Variants in CDH13 observed in about 807,000 individuals in gnomAD.
CDH13 encodes the protein cadherin-13.
CDH13 carries 24 observed loss-of-function variants against 63.8 expected under a neutral mutation model. The ratio of observed to expected loss-of-function variants is 0.38; its 90% confidence interval spans 0.27 to 0.53. The LOEUF (loss-of-function observed/expected upper bound fraction) is 0.53. Among genes scored for constraint, CDH13 ranks in the 20% least tolerant of loss-of-function variants. CDH13 has a pLI of 0.85. For synonymous variants in CDH13, 503 were observed against 355.3 expected (o/e 1.42, Z -4.67); for missense variants, 1,049 against 903.1 (o/e 1.16, Z -2.07).
At chr16:82,690,887 A>G (rs1242022906) in intron 1 of CDH13, among the ~76,000 whole-genome samples, 1 of 152,222 alleles carries the variant, frequency 6.6e-6, no homozygotes, top group Non-Finnish European at 1.5e-5. Context: ...CCAGAAGCAG[A>G]GCCAGGGATG....
chr16:82,785,024 C>T (rs939742918), intron 1 of CDH13, among the ~76,000 whole-genome samples: 10 of 152,068 alleles, frequency 6.6e-5, no homozygotes, highest in African/African-American at 2.2e-4. Context: ...AGTGGGGGCC[C>T]GCTCATGGGT....
intron 1 of CDH13, among the ~76,000 whole-genome samples, chr16:82,769,053 C>T (rs1161100295): frequency 6.6e-6 from 1 of 152,118 alleles, no homozygotes; most frequent in African/African-American, 2.4e-5. Context: ...TAGCAGGATT[C>T]TATTTTGGTT....
chr16:82,720,837 G>C (rs749738734), intron 1 of CDH13, among the ~76,000 whole-genome samples: 2 of 152,198 alleles, frequency 1.3e-5, no homozygotes, highest in African/African-American at 2.4e-5. Flanking sequence ...CTGAGCAAAA[G>C]GCCCTCGCCT....
chr16:83,645,584 C>T (rs909842137), intron 8 of CDH13, among the ~76,000 whole-genome samples: 3 of 151,812 alleles, frequency 2.0e-5, no homozygotes, highest in African/African-American at 4.8e-5. Context: ...GGTACTCCAT[C>T]AGAACACCCC....
At chr16:83,012,663 T>C (rs1258251232) in intron 2 of CDH13, among the ~76,000 whole-genome samples, 1 of 152,178 alleles carries the variant, frequency 6.6e-6, no homozygotes, top group African/African-American at 2.4e-5. Flanking sequence ...CCGAACTTGA[T>C]CTAAGCATGA....
At chr16:82,811,083 C>A (rs1452808468) in intron 1 of CDH13, among the ~76,000 whole-genome samples, 1 of 152,124 alleles carries the variant, frequency 6.6e-6, no homozygotes, top group Non-Finnish European at 1.5e-5. Flanking sequence ...CATATTTATA[C>A]TATATCATTG....
chr16:83,478,929 A>C (rs1175851886), intron 6 of CDH13, among the ~76,000 whole-genome samples: 1 of 152,196 alleles, frequency 6.6e-6, no homozygotes, highest in Non-Finnish European at 1.5e-5. Flanking sequence ...AAGCCAGTCC[A>C]AATGTAAGCC....
chr16:82,716,672 A>AG lies in CDH13; in HGVS notation c.45+89541dup, dbSNP rs371666039. On this transcript the variant is annotated intron_variant, in intron 1 of 13. Transcript: ENST00000567109. The stretch of plus-strand genomic sequence containing the variant: ...CATTTGGCAGGGAGAGTGGGTATTA[A>AG]GGGGGGTGACTAGTTGTTTTAAAAT... Among the ~76,000 whole-genome samples, 444 of 150,048 alleles carry AG rather than the reference A, an allele frequency of 3.0e-3. 5 individuals are homozygous for AG. The highest frequency in any genetic ancestry group is 0.011 in the African/African-American group (427 of 40,652).
At chr16:83,482,390 C>G (rs1442452274) in intron 6 of CDH13, among the ~76,000 whole-genome samples, 1 of 152,210 alleles carries the variant, frequency 6.6e-6, no homozygotes, top group Non-Finnish European at 1.5e-5. Flanking sequence ...TTGGTGAGTG[C>G]TGCAGAGAGA....
chr16:83,407,440 G>A (rs747637956), intron 6 of CDH13, among the ~76,000 whole-genome samples: 2 of 152,146 alleles, frequency 1.3e-5, no homozygotes, highest in African/African-American at 4.8e-5. Context: ...AAATGTCCAG[G>A]CTGCTAAAGC....
intron 5 of CDH13, among the ~76,000 whole-genome samples, chr16:83,329,641 C>G (rs985508568): frequency 2.0e-5 from 3 of 152,102 alleles, no homozygotes; most frequent in African/African-American, 7.2e-5. Context: ...TCTCCGGAAC[C>G]TTTTCATCTT....
At chr16:83,533,826 G>T (rs1343906357) in intron 7 of CDH13, among the ~76,000 whole-genome samples, 5 of 151,862 alleles carry the variant, frequency 3.3e-5, no homozygotes, top group East Asian at 1.9e-4. Flanking sequence ...TCGCCATGTT[G>T]CCCAGGCTAG....
chr16:83,111,524 T>C (rs998534413), intron 3 of CDH13, among the ~76,000 whole-genome samples: 1 of 152,198 alleles, frequency 6.6e-6, no homozygotes, highest in African/African-American at 2.4e-5. Flanking sequence ...ATACATCACA[T>C]GGGAGAGAGT....
At chr16:82,916,646 A>T (rs995075730) in intron 2 of CDH13, among the ~76,000 whole-genome samples, 2 of 152,082 alleles carry the variant, frequency 1.3e-5, no homozygotes, top group African/African-American at 4.8e-5. Context: ...ATACATTCTC[A>T]TAAAGCCCAG....
intron 3 of CDH13, among the ~76,000 whole-genome samples, chr16:83,067,423 C>T (rs925070649): frequency 6.6e-6 from 1 of 152,148 alleles, no homozygotes; most frequent in African/African-American, 2.4e-5. Context: ...TTGGTTGTAT[C>T]AAGGACTCAA....
chr16:82,904,976 C>T (rs1284941594), intron 2 of CDH13, among the ~76,000 whole-genome samples: 1 of 152,102 alleles, frequency 6.6e-6, no homozygotes, highest in African/African-American at 2.4e-5. Flanking sequence ...TGCAGTTTCT[C>T]CCTAAATGAA....
At chr16:83,372,021 CG>C (rs2091376373) in intron 6 of CDH13, among the ~76,000 whole-genome samples, 1 of 152,210 alleles carries the variant, frequency 6.6e-6, no homozygotes, top group Non-Finnish European at 1.5e-5. Context: ...TTCAGTTCCA[CG>C]TAAGTGGGTG....
chr16:83,191,822 C>T (rs943650002), intron 4 of CDH13, among the ~76,000 whole-genome samples: 2 of 151,874 alleles, frequency 1.3e-5, no homozygotes, highest in African/African-American at 4.8e-5. Flanking sequence ...TTAGATGATG[C>T]CCACCCAGAT....
intron 1 of CDH13, among the ~76,000 whole-genome samples, chr16:82,722,717 G>C (rs1177214153): frequency 1.3e-5 from 2 of 152,292 alleles, no homozygotes; most frequent in African/African-American, 4.8e-5. Flanking sequence ...TTGTATGCAA[G>C]CTCTGCCTAG....
Sources: allele counts gnomAD v4.1 joint callset (sites outside exome capture counted in the v4.1 genomes callset), GRCh38; gene constraint gnomAD v4.1.1; transcripts MANE v1.5; gene names NCBI Gene and HGNC (gene_info 2026-07-23, HGNC 2026-07-21).